The following PGCKA1 variants were observed in gnomAD, a reference collection of about 807,000 sequenced individuals.
PGCKA1 encodes the protein PDCD10 and GCKIII kinases associated 1.
chr4:37,531,614 C>T, the PGCKA1 span, among the ~76,000 whole-genome samples: 3 of 151,546 alleles, frequency 2.0e-5, no homozygotes, highest in Admixed American at 6.6e-5. Context: ...TGAAGTAGGT[C>T]GGGCATGGTG....
chr4:37,581,407 G>A, the PGCKA1 span, among the ~76,000 whole-genome samples: 1 of 152,138 alleles, frequency 6.6e-6, no homozygotes, highest in Non-Finnish European at 1.5e-5. The surrounding 1 kb of genome is among the most constrained non-coding windows in gnomAD (Gnocchi z 4.4). Context: ...GTACTACCTG[G>A]GTATTCCTGC....
chr4:37,588,948 G>A, the PGCKA1 span: 330,900 of 1,447,340 alleles, frequency 0.23, 39,378 homozygotes, highest in Non-Finnish European at 0.25. Flanking sequence ...TGTGATGAGC[G>A]TGGGGTCACT....
At chr4:37,559,561 T>A in the PGCKA1 span, among the ~76,000 whole-genome samples, 447 of 151,932 alleles carry the variant, frequency 2.9e-3, 2 homozygotes, top group Non-Finnish European at 3.9e-3. Flanking sequence ...AACCTGCACA[T>A]TGTGCACATG....
At chr4:37,572,748 C>A in the PGCKA1 span, among the ~76,000 whole-genome samples, 6 of 151,988 alleles carry the variant, frequency 3.9e-5, no homozygotes, top group African/African-American at 1.5e-4. Flanking sequence ...TTTACACATA[C>A]CTGAAGATAA....
At chr4:37,458,374 G>T in the PGCKA1 span, among the ~76,000 whole-genome samples, 1 of 151,868 alleles carries the variant, frequency 6.6e-6, no homozygotes, top group African/African-American at 2.4e-5. Flanking sequence ...GTTATCTATT[G>T]CTGTGTAACA....
the PGCKA1 span, among the ~76,000 whole-genome samples, chr4:37,545,427 C>A: frequency 1.3e-5 from 2 of 152,162 alleles, no homozygotes; most frequent in African/African-American, 4.8e-5. Flanking sequence ...AGAAACCACT[C>A]TAAGGAGTGC....
the PGCKA1 span, among the ~76,000 whole-genome samples, chr4:37,511,144 C>G: frequency 6.6e-6 from 1 of 152,064 alleles, no homozygotes; most frequent in Admixed American, 6.5e-5. Flanking sequence ...GAATGCCATT[C>G]AAGAGCCAAG....
the PGCKA1 span, among the ~76,000 whole-genome samples, chr4:37,546,887 G>A: frequency 1.3e-5 from 2 of 152,260 alleles, no homozygotes; most frequent in African/African-American, 2.4e-5. Context: ...CACCAGGAAG[G>A]AACTGGCATT....
the PGCKA1 span, among the ~76,000 whole-genome samples, chr4:37,563,348 C>T: frequency 1.3e-5 from 2 of 152,186 alleles, no homozygotes; most frequent in Non-Finnish European, 2.9e-5. Context: ...TTGCAGATGC[C>T]GCCTTCTCAC....
chr4:37,522,983 C>T, the PGCKA1 span, among the ~76,000 whole-genome samples: 1 of 152,054 alleles, frequency 6.6e-6, no homozygotes. Flanking sequence ...CCTTAGTCAC[C>T]CCAGCGGATG....
chr4:37,490,638 T>C, the PGCKA1 span, among the ~76,000 whole-genome samples: 3 of 152,166 alleles, frequency 2.0e-5, no homozygotes, highest in African/African-American at 7.2e-5. Flanking sequence ...TCCCGGCTTC[T>C]CCTCTCACCT....
chr4:37,568,684 G>T, the PGCKA1 span, among the ~76,000 whole-genome samples: 2 of 152,204 alleles, frequency 1.3e-5, no homozygotes, highest in East Asian at 1.9e-4. Context: ...CAAACCACTG[G>T]GCGTGGTGCC....
the PGCKA1 span, among the ~76,000 whole-genome samples, chr4:37,556,495 C>G: frequency 6.6e-6 from 1 of 152,186 alleles, no homozygotes; most frequent in South Asian, 2.1e-4. Flanking sequence ...TCTCGAACTC[C>G]TGACCTCAGG....
chr4:37,458,638 TG>T, the PGCKA1 span, among the ~76,000 whole-genome samples: 6 of 152,274 alleles, frequency 3.9e-5, no homozygotes, highest in African/African-American at 1.4e-4. Context: ...TGGCTCAACT[TG>T]GTTGCAAGAG....
chr4:37,508,681 A>ATGTTTTTTTTTTTTTTTTTTTTT, the PGCKA1 span, among the ~76,000 whole-genome samples: 1 of 45,480 alleles, frequency 2.2e-5, no homozygotes, highest in Non-Finnish European at 4.3e-5. Context: ...TTTTTGCTGA[A>ATGTTTTTTTTTTTTTTTTTTTTT]TCTTTTTTTT....
the PGCKA1 span, among the ~76,000 whole-genome samples, chr4:37,488,960 A>G: frequency 6.6e-6 from 1 of 152,196 alleles, no homozygotes; most frequent in South Asian, 2.1e-4. Flanking sequence ...TGTTACTAGG[A>G]TGTGAAACCC....
the PGCKA1 span, among the ~76,000 whole-genome samples, chr4:37,485,020 T>C: frequency 2.0e-5 from 3 of 152,224 alleles, no homozygotes; most frequent in African/African-American, 7.2e-5. Context: ...GAATATTTTA[T>C]TTATTATGTT....
the PGCKA1 span, among the ~76,000 whole-genome samples, chr4:37,488,413 C>A: frequency 6.6e-6 from 1 of 152,050 alleles, no homozygotes; most frequent in Non-Finnish European, 1.5e-5. Flanking sequence ...ATGTAGGCAA[C>A]AACAACAAAA....
At chr4:37,455,593 A>G in the PGCKA1 span, among the ~76,000 whole-genome samples, 1 of 152,222 alleles carries the variant, frequency 6.6e-6, no homozygotes, top group East Asian at 1.9e-4. Context: ...AATGATACCT[A>G]AAGAGAAATA....
Sources: gnomAD v4.1 joint callset for allele counts (sites outside exome capture counted in the v4.1 genomes callset) on GRCh38, gnomAD v4.1.1 for gene constraint, Gnocchi (gnomAD v3.1) non-coding constraint, MANE v1.5 for transcripts, NCBI Gene and HGNC (gene_info 2026-07-23, HGNC 2026-07-21) for gene names.